The following DIP2B variants were observed in gnomAD, a reference collection of about 807,000 sequenced individuals.
The protein encoded by DIP2B is DIP2 acetate--CoA ligase B (putative).
In DIP2B, 76 loss-of-function variants were observed where a neutral mutation model predicts 198.0. The ratio of observed to expected loss-of-function variants is 0.38; its 90% CI spans 0.32 to 0.46. The LOEUF (loss-of-function observed/expected upper bound fraction) is 0.46, where lower values mean the gene tolerates loss of function less well. Among genes scored for constraint, DIP2B ranks in the 20% least tolerant of loss-of-function variants. The probability of loss-of-function intolerance (pLI) is 0.99; values close to 1 mark genes in which losing one functional copy is unlikely to be tolerated. For synonymous variants in DIP2B, 701 were observed against 739.1 expected (o/e 0.95, Z 0.84); for missense variants, 1,559 against 1,978.4 (o/e 0.79, Z 4.02).
rs909041973 is a variant in DIP2B, at chr12:50,728,571, T to C, written c.3534T>C (p.Ala1178=). ...AGATGTCCCACTCTGCAGTGAACGC[T>C]CTGTGTCGAGCCATCAAGCTCCAGT... ...GVKMSHSAVN[A]LCRAIKLQCE... The change falls in exon 30 of 38, where the codon GCT becomes GCC. Residue 1178 remains alanine (A), a synonymous_variant. Coordinates refer to ENST00000301180, the MANE Select transcript of DIP2B (RefSeq NM_173602.3). 1 of 1,614,100 alleles carries C rather than the reference T, an allele frequency of 6.2e-7. No homozygotes were observed. The highest frequency in any genetic ancestry group is 8.5e-7 in the Non-Finnish European group (1 of 1,179,986).
chr12:50,584,322 A>G (rs1297156740), intron 1 of DIP2B, among the ~76,000 whole-genome samples: 1 of 152,096 alleles, frequency 6.6e-6, no homozygotes, highest in African/African-American at 2.4e-5. Context: ...CATGGGAGCC[A>G]TCTTAAATTT....
intron 2 of DIP2B, among the ~76,000 whole-genome samples, chr12:50,638,864 A>AG (rs1555189285): frequency 2.7e-5 from 4 of 147,536 alleles, no homozygotes; most frequent in Non-Finnish European, 6.0e-5. Flanking sequence ...AGTGTTTCAG[A>AG]TTTTTTTTTT....
intron 1 of DIP2B, among the ~76,000 whole-genome samples, chr12:50,518,460 C>T (rs1195200864): frequency 3.3e-5 from 5 of 152,118 alleles, no homozygotes; most frequent in Non-Finnish European, 5.9e-5. Flanking sequence ...TCGCCCACCC[C>T]GGCCTCCCAA....
In DIP2B at chr12:50,514,590, C is replaced by T. The variant is rs1356513121; in HGVS notation, c.100+9350C>T. Among the ~76,000 whole-genome samples the T allele has an allele frequency of 4.6e-5, 7 of 152,118 alleles. No homozygotes were observed. In the East Asian group the frequency reaches 1.3e-3, roughly 29 times the overall value. On this transcript the variant is annotated intron_variant, in intron 1 of 37. Transcript: ENST00000301180. ...ATCTCACTTTATTGATTGATCTGTT[C>T]ATTTACAGTCTCTCTTTGTTTCTTT...
rs148583357 is a variant in DIP2B, at chr12:50,532,931, G to A, written c.100+27691G>A. The stretch of plus-strand genomic sequence containing the variant: ...GTAACTCTTTGTTAGTGACTCCTCT[G>A]GCCCTCACCGGGCTGGTTTTTCAGT... On this transcript the variant is annotated intron_variant, in intron 1 of 37. Transcript: ENST00000301180. Among the ~76,000 whole-genome samples, 448 of 152,312 alleles carry A rather than the reference G, an allele frequency of 2.9e-3. 6 individuals carry two copies. Among genetic ancestry groups the A allele is most frequent in the African/African-American group, 0.01 (425 of 41,558 alleles).
intron 1 of DIP2B, among the ~76,000 whole-genome samples, chr12:50,585,388 G>A (rs896206318): frequency 2.0e-5 from 3 of 152,222 alleles, no homozygotes; most frequent in Admixed American, 6.5e-5. Context: ...GACAGATGAA[G>A]CGTGGGCTAA....
chr12:50,554,549 G>A (rs900025977), intron 1 of DIP2B, among the ~76,000 whole-genome samples: 16 of 152,058 alleles, frequency 1.1e-4, no homozygotes, highest in African/African-American at 2.9e-4. Context: ...TGAATAGGTT[G>A]TTCCTGGAAT....
At chr12:50,705,471 C>T (rs1197914842) in intron 20 of DIP2B, among the ~76,000 whole-genome samples, 2 of 152,226 alleles carry the variant, frequency 1.3e-5, no homozygotes, top group African/African-American at 2.4e-5. Context: ...GGGAAAGGTG[C>T]AGTCCTCCTC....
chr12:50,692,793 C>T (rs1304933892), intron 13 of DIP2B, among the ~76,000 whole-genome samples, 156 bp from the exon 14 acceptor site: 1 of 151,972 alleles, frequency 6.6e-6, no homozygotes, highest in Admixed American at 6.6e-5. Context: ...GCCGAGATTG[C>T]ATCACTGCAC....
chr12:50,614,431 A>G (rs1003345839), intron 1 of DIP2B, among the ~76,000 whole-genome samples: 5 of 152,198 alleles, frequency 3.3e-5, no homozygotes, highest in African/African-American at 4.8e-5. Context: ...ATTCACACCC[A>G]AGGCTTCAGC....
At chr12:50,702,355 A>G (rs1453054084) in intron 19 of DIP2B, among the ~76,000 whole-genome samples, 1 of 151,352 alleles carries the variant, frequency 6.6e-6, no homozygotes, top group East Asian at 1.9e-4. Flanking sequence ...CAAAAAAAAA[A>G]GAGTTCAAGA....
At chr12:50,680,312 A>T (rs1250169629) in intron 8 of DIP2B, 1 of 154,622 alleles carries the variant, frequency 6.5e-6, no homozygotes, top group East Asian at 1.8e-4. Flanking sequence ...TCTGATTTTC[A>T]GTCTTGTAAT....
intron 4 of DIP2B, among the ~76,000 whole-genome samples, chr12:50,666,065 G>T (rs1380384286): frequency 6.6e-6 from 1 of 152,200 alleles, no homozygotes; most frequent in Non-Finnish European, 1.5e-5. Context: ...CATTTTAATA[G>T]TGTATTTTAT....
At chr12:50,570,719 AAAC>A (rs1247900062) in intron 1 of DIP2B, among the ~76,000 whole-genome samples, 1 of 152,262 alleles carries the variant, frequency 6.6e-6, no homozygotes, top group Non-Finnish European at 1.5e-5. Flanking sequence ...CCAACAAAGA[AAAC>A]AACAACAAAC....
At position 50,735,175 on chromosome 12, in the gene DIP2B, A is replaced by G. The variant is rs764592481; in HGVS notation, c.4101+45A>G. ...ATGGGGAAGGTGGGCTGTGTGGAGA[A>G]GTGGTTCAGTTTAAAGAAACCAGAA... is the stretch of plus-strand genomic sequence containing the variant. On this transcript the variant is annotated intron_variant, in intron 34 of 37. Coordinates refer to ENST00000301180, the MANE Select transcript of DIP2B (RefSeq NM_173602.3). The G allele has an allele frequency of 3.7e-5, 59 of 1,607,920 alleles. No individual in the cohort carries two copies. The South Asian group carries it at 4.7e-4, about 13-fold the overall frequency.
chr12:50,694,973 TA>T (rs963963008), intron 14 of DIP2B, among the ~76,000 whole-genome samples: 6 of 152,136 alleles, frequency 3.9e-5, no homozygotes, highest in African/African-American at 1.2e-4. Flanking sequence ...ATGTTAAAAA[TA>T]CTTATATATT....
intron 6 of DIP2B, among the ~76,000 whole-genome samples, 189 bp from the exon 7 acceptor site, chr12:50,675,140 A>G (rs1281077572): frequency 6.6e-6 from 1 of 152,250 alleles, no homozygotes; most frequent in Non-Finnish European, 1.5e-5. Context: ...TAAGCTATGT[A>G]TTAATAATAG....
intron 30 of DIP2B, among the ~76,000 whole-genome samples, chr12:50,730,698 A>G (rs1171003211): frequency 2.0e-5 from 3 of 152,082 alleles, no homozygotes; most frequent in Admixed American, 6.6e-5. Context: ...CTTGAATACT[A>G]TTAATATTTC....
intron 1 of DIP2B, among the ~76,000 whole-genome samples, chr12:50,522,416 A>T (rs1186954106): frequency 6.6e-6 from 1 of 152,206 alleles, no homozygotes; most frequent in African/African-American, 2.4e-5. Context: ...TCAGGGTACA[A>T]GACGGGAACC....
Sources: allele counts gnomAD v4.1 joint callset (sites outside exome capture counted in the v4.1 genomes callset), GRCh38; gene constraint gnomAD v4.1.1; transcripts MANE v1.5; gene names NCBI Gene and HGNC (gene_info 2026-07-23, HGNC 2026-07-21).